MYH14: variants seen among roughly 807,000 people sequenced by gnomAD.
MYH14 encodes myosin heavy chain 14, also known as myosin-14.
In MYH14, 123 loss-of-function variants were observed where a neutral mutation model predicts 255.5. That is an observed-to-expected ratio of 0.48 (90% CI 0.42 to 0.56). The LOEUF (loss-of-function observed/expected upper bound fraction) is 0.56, where lower values mean the gene tolerates loss of function less well. Ranked by LOEUF, MYH14 falls within the 20% of genes least tolerant of loss-of-function variation. MYH14 has a pLI of 0.00. For synonymous variants in MYH14, 1,095 were observed against 1,161.2 expected, an observed-to-expected ratio of 0.94 and a Z score of 1.16; for missense variants, 2,423 against 2,802.3, an observed-to-expected ratio of 0.86 and a Z score of 3.06.
At chr19:50,273,601 G>GGTGTGTGTGTGT (rs56095197) in intron 27 of MYH14, among the ~76,000 whole-genome samples, 31 of 137,474 alleles carry the variant, frequency 2.3e-4, no homozygotes, top group African/African-American at 5.9e-4. Flanking sequence ...GAACATGGGG[G>GGTGTGTGTGTGT]GTGTGTGTGT....
At chr19:50,224,045 T>TCCCCCC in intron 5 of MYH14, 109 bp from the exon 6 acceptor site, 1 of 316,166 alleles carries the variant, frequency 3.2e-6, no homozygotes, top group East Asian at 6.0e-5. Context: ...CCAGTCCCCC[T>TCCCCCC]TCCCCCACCC....
chr19:50,259,065 C>T, intron 18 of MYH14, 79 bp from the exon 19 acceptor site: 1 of 1,496,018 alleles, frequency 6.7e-7, no homozygotes, highest in Non-Finnish European at 8.9e-7. Flanking sequence ...CATGTGGAAA[C>T]AGGAAATTGC....
At chr19:50,271,581 T>G in intron 25 of MYH14, 35 bp downstream of exon 25, 1 of 1,588,888 alleles carries the variant, frequency 6.3e-7, no homozygotes, top group South Asian at 1.1e-5. Context: ...AAAGTGGGGA[T>G]GGGGTGCATT....
intron 9 of MYH14, among the ~76,000 whole-genome samples, 198 bp from the exon 10 acceptor site, chr19:50,231,732 A>AAAG (rs779680153): frequency 1.9e-4 from 9 of 46,194 alleles, no homozygotes. Context: ...AAAAAAAAAA[A>AAAG]ATAGAGACAG....
At chr19:50,279,937 A>G (rs1422394581) in intron 30 of MYH14, 100 bp from the exon 31 acceptor site, 2 of 882,536 alleles carry the variant, frequency 2.3e-6, no homozygotes, top group African/African-American at 3.3e-5. Flanking sequence ...GGCAGCTGTA[A>G]CATTTCACAT....
intron 3 of MYH14, among the ~76,000 whole-genome samples, chr19:50,222,277 G>A (rs577846531): frequency 3.9e-5 from 6 of 152,032 alleles, no homozygotes; most frequent in East Asian, 1.9e-4. Context: ...TCAGGAGATC[G>A]AGACCATCCT....
In MYH14 at chr19:50,276,316, A is replaced by G. The variant is rs1465376152; in HGVS notation, c.3680+113A>G. 6 of 896,652 alleles carry G rather than the reference A, an allele frequency of 6.7e-6. No homozygotes were observed. Among genetic ancestry groups the G allele is most frequent in the East Asian group, 2.7e-5 (1 of 37,522 alleles). The allele number at this position is 896,652 out of a possible 1,614,324, so 55.5% of individuals were successfully genotyped here. ...AGGCTTACTTATTGTACAGTTGTTC[A>G]TGAACCACCGGCTCTAGGTCCGGCC... On this transcript the variant is annotated intron_variant, in intron 28 of 42. Coordinates refer to ENST00000642316, the MANE Select transcript of MYH14 (RefSeq NM_001145809.2). This position sits in a 1 kb window ranked among gnomAD's most constrained non-coding sequence, Gnocchi z 4.3.
intron 12 of MYH14, 81 bp from the exon 13 acceptor site, chr19:50,248,906 G>A: frequency 6.7e-7 from 1 of 1,494,742 alleles, no homozygotes; most frequent in East Asian, 2.3e-5. Context: ...ACGAGCTGGG[G>A]GCCCTTCCCC....
chr19:50,301,778 G>T lies in MYH14; in HGVS notation c.5587G>T (p.Asp1863Tyr), dbSNP rs1261499769. Reference protein sequence around the residue: ...QELRGRLGEEDAGARARHKMT... With the variant: ...QELRGRLGEEYAGARARHKMT... ...GCTACGGGGACGCCTGGGTGAGGAGGATGCTGGGGCCCGTGCCCGCCACAA... is the reference window on the plus strand; with the variant it reads ...GCTACGGGGACGCCTGGGTGAGGAGTATGCTGGGGCCCGTGCCCGCCACAA... Residue 1863 changes from aspartate (D) to tyrosine (Y), a missense_variant, in exon 40 of 43, where the codon GAT becomes TAT. Asp to Tyr is a radical substitution (Grantham distance 160, BLOSUM62 -3). Coordinates refer to ENST00000642316, the MANE Select transcript of MYH14 (RefSeq NM_001145809.2). 6 of 1,613,774 alleles carry T rather than the reference G, an allele frequency of 3.7e-6. No homozygotes were observed. Among genetic ancestry groups the T allele is most frequent in the East Asian group, 4.5e-5 (2 of 44,886 alleles).
chr19:50,276,500 C>G lies in MYH14; in HGVS notation c.3681-257C>G, dbSNP rs965010161. Among the ~76,000 whole-genome samples the G allele has an allele frequency of 6.6e-6, 1 of 152,088 alleles. No homozygotes were observed. Among genetic ancestry groups the G allele is most frequent in the African/African-American group, 2.4e-5 (1 of 41,406 alleles). On this transcript the variant is annotated intron_variant, in intron 28 of 42. Transcript: ENST00000642316. The surrounding 1 kb of genome is among the most constrained non-coding windows in gnomAD (Gnocchi z 4.3). ...CACTGTGGGTGATAAGTGAAGACCCCTAAACCAAGTCTATGGGAGATCCAG... is the reference window on the plus strand; with the variant it reads ...CACTGTGGGTGATAAGTGAAGACCCGTAAACCAAGTCTATGGGAGATCCAG...
rs1015157241 is a variant in MYH14, at chr19:50,230,744, C to T, written c.973+121C>T. On this transcript the variant is annotated intron_variant, in intron 9 of 42. Transcript: ENST00000642316. This position sits in a 1 kb window ranked among gnomAD's most constrained non-coding sequence, Gnocchi z 4.7. ...TCTAATATCCGTCAAACACCGACTT[C>T]GCATGAGGCTCCCGCAGCCCCTGCT... 14 of 776,670 alleles carry T rather than the reference C, an allele frequency of 1.8e-5. No individual in the cohort carries two copies. The highest frequency in any genetic ancestry group is 2.7e-5 in the Non-Finnish European group (13 of 477,816). 48.1% of individuals were successfully genotyped at this position (776,670 alleles called of 1,614,324 possible).
chr19:50,252,815 A>G lies in MYH14; in HGVS notation c.1945+62A>G. On this transcript the variant is annotated intron_variant, in intron 16 of 42. Transcript: ENST00000642316. The surrounding 1 kb of genome is among the most constrained non-coding windows in gnomAD (Gnocchi z 4.2). ...CTGTGCGGCCATTCTCCAAATCCAC[A>G]GCGTGAGCACCTTTGTTTCAGAGGC... The G allele has an allele frequency of 3.3e-6, 4 of 1,206,108 alleles. No individual in the cohort carries two copies. The highest frequency in any genetic ancestry group is 4.7e-6 in the Non-Finnish European group (4 of 842,778). The allele number at this position is 1,206,108 out of a possible 1,614,324, so 74.7% of individuals were successfully genotyped here.
rs76330056 is a variant in MYH14 at position 50,230,864 on chromosome 19, C to T, written c.973+241C>T. 2.1e-3 allele frequency: 1,072 copies of T among 503,152 alleles called. 10 individuals carry two copies. The highest frequency in any genetic ancestry group is 0.019 in the African/African-American group (960 of 51,774). The allele number at this position is 503,152 out of a possible 1,614,324, so 31.2% of individuals were successfully genotyped here. A position where few individuals can be genotyped will look rare whatever the true frequency, so the allele number is the denominator to read the frequency against. On this transcript the variant is annotated intron_variant, in intron 9 of 42. Coordinates refer to ENST00000642316, the MANE Select transcript of MYH14 (RefSeq NM_001145809.2). This position sits in a 1 kb window ranked among gnomAD's most constrained non-coding sequence, Gnocchi z 4.7. ...TGGCTCGCGCCCGCTGTCACGGCCACGCAGCCCCCGCCGCCTGGTGGCTCC... is the reference window on the plus strand; with the variant it reads ...TGGCTCGCGCCCGCTGTCACGGCCATGCAGCCCCCGCCGCCTGGTGGCTCC...
At position 50,210,505 on chromosome 19, in the gene MYH14, A is replaced by T. The variant is rs765116556; in HGVS notation, c.140A>T (p.Gln47Leu). The change falls in exon 2 of 43, where the codon CAG becomes CTG. Residue 47 changes from glutamine to leucine, a missense_variant. Gln to Leu is a moderately radical substitution (Grantham distance 113, BLOSUM62 -2). Coordinates refer to ENST00000642316, the MANE Select transcript of MYH14 (RefSeq NM_001145809.2). ...GGGPGSGTSP[Q>L]VEWTARRLVW... Reference sequence around the variant, plus strand: ...GGGCCTGGCTCGGGCACCTCCCCGCAGGTGGAGTGGACGGCCCGGCGTCTC... The same window carrying T: ...GGGCCTGGCTCGGGCACCTCCCCGCTGGTGGAGTGGACGGCCCGGCGTCTC... 41 of 1,566,264 alleles carry T rather than the reference A, an allele frequency of 2.6e-5. No homozygotes were observed. The highest frequency in any genetic ancestry group is 3.5e-5 in the Non-Finnish European group (40 of 1,157,742).
chr19:50,277,639 G>C (rs2123410695), intron 29 of MYH14, among the ~76,000 whole-genome samples: 1 of 152,058 alleles, frequency 6.6e-6, no homozygotes, highest in Non-Finnish European at 1.5e-5. Context: ...AAATGGGCCA[G>C]ACGTGGTGGC....
chr19:50,293,180 C>G lies in MYH14; in HGVS notation c.5257-53C>G. On this transcript the variant is annotated intron_variant, in intron 37 of 42. Transcript: ENST00000642316. The surrounding 1 kb of genome is among the most constrained non-coding windows in gnomAD (Gnocchi z 4.1). ...GAGGGACAGAGAAAGGGGTGAGACC[C>G]GTGCCCAGATTGCTTCTCCTCACAC... 1.5e-6 allele frequency: 2 copies of G among 1,309,986 alleles called. No homozygotes were observed. Among genetic ancestry groups the G allele is most frequent in the Admixed American group, 2.0e-5 (1 of 51,204 alleles). The allele number at this position is 1,309,986 out of a possible 1,614,324, so 81.1% of individuals were successfully genotyped here. A position where few individuals can be genotyped will look rare whatever the true frequency, so the allele number is the denominator to read the frequency against.
chr19:50,268,026 C>A, intron 23 of MYH14, 135 bp from the exon 24 acceptor site: 1 of 1,101,348 alleles, frequency 9.1e-7, no homozygotes, highest in Non-Finnish European at 1.3e-6. Flanking sequence ...GAGGTGGGGA[C>A]ACCGTGTCCT....
intron 33 of MYH14, chr19:50,284,918 C>CTTTTTTTTT (rs10587609): frequency 1.5e-5 from 2 of 129,644 alleles, no homozygotes; most frequent in Non-Finnish European, 3.2e-5. Flanking sequence ...TCTTCTTCTT[C>CTTTTTTTTT]TTTTTTTTTT....
intron 3 of MYH14, among the ~76,000 whole-genome samples, chr19:50,220,630 G>A (rs369031472): frequency 4.2e-4 from 63 of 151,682 alleles, no homozygotes; most frequent in African/African-American, 1.3e-3. Context: ...ACCTTAGCTC[G>A]CTGCAACCTC....
Sources: gnomAD v4.1 joint callset for allele counts (sites outside exome capture counted in the v4.1 genomes callset) on GRCh38, gnomAD v4.1.1 for gene constraint, Gnocchi (gnomAD v3.1) non-coding constraint, MANE v1.5 for transcripts, NCBI Gene and HGNC (gene_info 2026-07-23, HGNC 2026-07-21) for gene names.